KANSL1L: variants seen among roughly 807,000 people sequenced by gnomAD.
KANSL1L encodes the protein KAT8 regulatory NSL complex subunit 1 like, also known as KAT8 regulatory NSL complex subunit 1-like protein.
Under a neutral mutation model 108.6 loss-of-function variants are expected in KANSL1L, and 25 were observed. The ratio of observed to expected loss-of-function variants is 0.23; its 90% CI spans 0.17 to 0.32. The LOEUF (loss-of-function observed/expected upper bound fraction) is 0.32, where lower values mean the gene tolerates loss of function less well. Ranked by LOEUF, KANSL1L falls within the 10% of genes least tolerant of loss-of-function variation. KANSL1L has a pLI of 1.00. For synonymous variants in KANSL1L, 405 were observed against 395.1 expected (o/e 1.03, Z -0.30); for missense variants, 1,137 against 1,125.7 (o/e 1.01, Z -0.14).
intron 5 of KANSL1L, among the ~76,000 whole-genome samples, chr2:210,090,897 A>T (rs1218778932): frequency 1.3e-5 from 2 of 152,150 alleles, no homozygotes; most frequent in Non-Finnish European, 2.9e-5. Context: ...CTATTATTAT[A>T]TTGCTACTAT....
intron 5 of KANSL1L, among the ~76,000 whole-genome samples, chr2:210,090,171 A>C (rs2094680520): frequency 6.6e-6 from 1 of 152,192 alleles, no homozygotes; most frequent in South Asian, 2.1e-4. Flanking sequence ...GCTGTTTCTT[A>C]TGTGCCAGGT....
chr2:210,129,503 A>G (rs1484696890), intron 2 of KANSL1L, among the ~76,000 whole-genome samples: 1 of 152,194 alleles, frequency 6.6e-6, no homozygotes, highest in African/African-American at 2.4e-5. Flanking sequence ...TGCAAACACC[A>G]TGTAAAAACT....
At chr2:210,058,034 T>G (rs994155814) in intron 6 of KANSL1L, among the ~76,000 whole-genome samples, 3 of 152,184 alleles carry the variant, frequency 2.0e-5, no homozygotes, top group South Asian at 2.1e-4. Flanking sequence ...ACAAGAGAGA[T>G]AACCTTAAAC....
At chr2:210,047,795 C>T (rs2094241368) in intron 6 of KANSL1L, among the ~76,000 whole-genome samples, 1 of 152,134 alleles carries the variant, frequency 6.6e-6, no homozygotes, top group African/African-American at 2.4e-5. Flanking sequence ...TTAAAAACCA[C>T]ATAGGTTCCA....
chr2:210,139,730 T>C, intron 2 of KANSL1L, among the ~76,000 whole-genome samples: 1 of 151,742 alleles, frequency 6.6e-6, no homozygotes, highest in Non-Finnish European at 1.5e-5. Context: ...ATTCAGGTCC[T>C]TTGCCCATTT....
chr2:210,150,782 T>TA (rs762951836), intron 2 of KANSL1L, among the ~76,000 whole-genome samples: 189 of 116,352 alleles, frequency 1.6e-3, no homozygotes, highest in African/African-American at 2.5e-3. Flanking sequence ...AACTCCATCT[T>TA]AAAAAAAAAA....
chr2:210,032,228 A>G (rs2094028491), intron 8 of KANSL1L: 1 of 152,234 alleles, frequency 6.6e-6, no homozygotes, highest in African/African-American at 2.4e-5. Context: ...TCACACTGAA[A>G]TAAAGGGCAT....
intron 4 of KANSL1L, among the ~76,000 whole-genome samples, chr2:210,099,406 G>A (rs548120198): frequency 6.6e-6 from 1 of 152,172 alleles, no homozygotes; most frequent in African/African-American, 2.4e-5. Flanking sequence ...CTAAATAATA[G>A]AATAAAATTA....
intron 2 of KANSL1L, among the ~76,000 whole-genome samples, chr2:210,142,649 T>C (rs1172358902): frequency 6.6e-6 from 1 of 152,146 alleles, no homozygotes; most frequent in Non-Finnish European, 1.5e-5. Context: ...CACCCCATAG[T>C]TTTGTAAACT....
intron 1 of KANSL1L, among the ~76,000 whole-genome samples, chr2:210,157,519 A>T (rs1313267141): frequency 6.6e-6 from 1 of 151,362 alleles, no homozygotes; most frequent in Non-Finnish European, 1.5e-5. Flanking sequence ...ACATAAGGAG[A>T]CTTCTCTACA....
At chr2:210,171,695 C>T (rs1446138379), upstream of KANSL1L, 1 of 152,064 alleles carries the variant, frequency 6.6e-6, no homozygotes, top group African/African-American at 2.4e-5. Context: ...CTTCCCACCC[C>T]TGCTTTGCTA....
chr2:210,029,477 AAAC>A (rs1276100774), intron 10 of KANSL1L, among the ~76,000 whole-genome samples: 3 of 152,068 alleles, frequency 2.0e-5, no homozygotes, highest in Non-Finnish European at 4.4e-5. Flanking sequence ...AACAAACAAA[AAAC>A]AGGACAAGAA....
rs1432132156 is a variant in KANSL1L at position 210,098,113 on chromosome 2, T to A, written c.1523A>T (p.Lys508Ile). Residue 508 changes from lysine to isoleucine, a missense_variant, in exon 5 of 15, where the codon AAA becomes ATA. Physicochemically the swap from Lys to Ile is moderately radical, Grantham distance 102 (BLOSUM62 -3). Coordinates refer to ENST00000281772, the MANE Select transcript of KANSL1L (RefSeq NM_152519.4). ...CCTGTAAATGCCATTAGCCAGACAT[T>A]TATGGCTACAGGATTTGGAAGAGAG... is the stretch of plus-strand genomic sequence containing the variant. ...SPLSSKSCSHKCLANGIYRSA... is the reference protein window; with the variant it reads ...SPLSSKSCSHICLANGIYRSA... 1 of 1,610,212 alleles carries A rather than the reference T, an allele frequency of 6.2e-7. No homozygotes were observed. Among genetic ancestry groups the A allele is most frequent in the African/African-American group, 1.3e-5 (1 of 74,698 alleles).
intron 1 of KANSL1L, among the ~76,000 whole-genome samples, chr2:210,158,037 T>A (rs944900538): frequency 6.6e-6 from 1 of 152,174 alleles, no homozygotes. Context: ...ATACAAAATC[T>A]CTGGGTGAGA....
At chr2:210,121,249 T>C (rs540107714) in intron 3 of KANSL1L, among the ~76,000 whole-genome samples, 1 of 152,296 alleles carries the variant, frequency 6.6e-6, no homozygotes, top group South Asian at 2.1e-4. Context: ...TCAACCCGAA[T>C]GCCCATCAAT....
chr2:210,043,753 A>C, intron 7 of KANSL1L, 186 bp downstream of exon 7: 1 of 418,064 alleles, frequency 2.4e-6, no homozygotes, highest in Non-Finnish European at 4.2e-6. Flanking sequence ...CACAGATAGA[A>C]CATTAACCGT....
rs2094572773 is a variant in KANSL1L at position 210,079,670 on chromosome 2, GTGTGTA to G, written c.1551-3920_1551-3915del. The G allele has an allele frequency of 4.8e-4, 8 of 16,624 alleles. 1 individual carries two copies. The highest frequency in any genetic ancestry group is 1.8e-3 in the African/African-American group (6 of 3,244). The allele number at this position is 16,624 out of a possible 1,614,324, so 1.0% of individuals were successfully genotyped here. A position where few individuals can be genotyped will look rare whatever the true frequency, so the allele number is the denominator to read the frequency against. On this transcript the variant is annotated intron_variant, in intron 5 of 14. Coordinates refer to ENST00000281772, the MANE Select transcript of KANSL1L (RefSeq NM_152519.4). ...TATATATATATATATATATATGTATGTGTGTATATATATATATATATGTATGTGTGT... is the reference window on the plus strand; with the variant it reads ...TATATATATATATATATATATGTATGTATATATATATATATGTATGTGTGT...
At position 210,154,374 on chromosome 2, in the gene KANSL1L, G is replaced by T. The variant is rs201038662; in HGVS notation, c.209C>A (p.Ser70Tyr). 1 of 1,610,314 alleles carries T rather than the reference G, an allele frequency of 6.2e-7. No individual in the cohort carries two copies. The highest frequency in any genetic ancestry group is 8.5e-7 in the Non-Finnish European group (1 of 1,178,508). ...CTGGTAATGTTTTGAAGACTGAGGG[G>T]AGCCAAAATGTTTTAAATTCACAAA... is the stretch of plus-strand genomic sequence containing the variant. ...TNFVNLKHFG[S>Y]PQSSKHYQTV... Residue 70 changes from serine (S) to tyrosine (Y), a missense_variant, in exon 2 of 15, where the codon TCC (serine) becomes TAC (tyrosine). Coordinates refer to ENST00000281772, the MANE Select transcript of KANSL1L (RefSeq NM_152519.4).
intron 6 of KANSL1L, among the ~76,000 whole-genome samples, chr2:210,060,471 G>A (rs542503119): frequency 6.6e-6 from 1 of 152,118 alleles, no homozygotes; most frequent in South Asian, 2.1e-4. Context: ...ATGGCTTGTG[G>A]ATTACATGCT....
Sources: allele counts gnomAD v4.1 joint callset (sites outside exome capture counted in the v4.1 genomes callset), GRCh38; gene constraint gnomAD v4.1.1; transcripts MANE v1.5; gene names NCBI Gene and HGNC (gene_info 2026-07-23, HGNC 2026-07-21).